The following LRMDA variants were observed in gnomAD, a reference collection of about 807,000 sequenced individuals.
LRMDA encodes leucine-rich melanocyte differentiation-associated protein.
LRMDA carries 18 observed loss-of-function variants against 29.8 expected under a neutral mutation model. The ratio of observed to expected loss-of-function variants is 0.60; its 90% CI spans 0.42 to 0.90. LRMDA has a LOEUF of 0.90. Ranked by LOEUF, LRMDA falls within the 40% of genes least tolerant of loss-of-function variation. The pLI is 0.00. For missense variants in LRMDA, 273 were observed against 273.9 expected, an observed-to-expected ratio of 1.00 and a Z score of 0.02; for synonymous variants, 125 against 109.4, an observed-to-expected ratio of 1.14 and a Z score of -0.89.
intron 6 of LRMDA, chr10:76,438,433 A>T (rs1422583354): frequency 1.3e-5 from 2 of 152,168 alleles, no homozygotes; most frequent in Non-Finnish European, 2.9e-5. Context: ...GAATCCCATT[A>T]GGAAATTTCT....
At chr10:75,478,461 A>G (rs1326529255) in intron 2 of LRMDA, among the ~76,000 whole-genome samples, 2 of 152,160 alleles carry the variant, frequency 1.3e-5, no homozygotes, top group Admixed American at 6.5e-5. Context: ...TCACCTCTAC[A>G]GTTGCTTTGC....
intron 5 of LRMDA, among the ~76,000 whole-genome samples, chr10:76,161,213 T>C (rs1018706591): frequency 6.6e-6 from 1 of 152,102 alleles, no homozygotes; most frequent in South Asian, 2.1e-4. Flanking sequence ...GTATTTCTCT[T>C]TAAGTGAATG....
At chr10:75,598,411 G>A (rs1291198864) in intron 2 of LRMDA, among the ~76,000 whole-genome samples, 4 of 152,072 alleles carry the variant, frequency 2.6e-5, no homozygotes, top group Admixed American at 2.6e-4. Context: ...CGTGTCCCTA[G>A]CCTGGCCTTA....
intron 2 of LRMDA, among the ~76,000 whole-genome samples, chr10:75,613,752 CTG>C (rs745624259): frequency 6.6e-6 from 1 of 152,180 alleles, no homozygotes; most frequent in Non-Finnish European, 1.5e-5. Context: ...GATGTGATCT[CTG>C]TTACTTTGAC....
chr10:75,639,644 A>G (rs1471412917), intron 2 of LRMDA, among the ~76,000 whole-genome samples: 1 of 152,092 alleles, frequency 6.6e-6, no homozygotes, highest in Non-Finnish European at 1.5e-5. Context: ...ATTGTCTCCC[A>G]CCAGCCCCCT....
intron 6 of LRMDA, among the ~76,000 whole-genome samples, chr10:76,527,671 T>G (rs1254367447): frequency 6.6e-6 from 1 of 152,168 alleles, no homozygotes; most frequent in Non-Finnish European, 1.5e-5. Context: ...CTACTTAAAG[T>G]TTTTAGAACA....
At chr10:76,426,309 T>C (rs1255011137) in intron 6 of LRMDA, among the ~76,000 whole-genome samples, 1 of 152,216 alleles carries the variant, frequency 6.6e-6, no homozygotes, top group African/African-American at 2.4e-5. Context: ...TGGTGTGAGA[T>C]GATATCTCAT....
chr10:75,851,539 A>G (rs1187813088), intron 2 of LRMDA, among the ~76,000 whole-genome samples: 2 of 152,128 alleles, frequency 1.3e-5, no homozygotes, highest in Non-Finnish European at 2.9e-5. Flanking sequence ...GAAGGCCCCA[A>G]ACTCTTCTCA....
chr10:76,527,040 C>T (rs1843183435), intron 6 of LRMDA, among the ~76,000 whole-genome samples: 1 of 116,222 alleles, frequency 8.6e-6, no homozygotes, highest in South Asian at 2.6e-4. Context: ...CCTAAATTAT[C>T]AGGTCTGACA....
At chr10:75,891,709 T>TA (rs766090686) in intron 2 of LRMDA, among the ~76,000 whole-genome samples, 2 of 152,044 alleles carry the variant, frequency 1.3e-5, no homozygotes, top group African/African-American at 2.4e-5. Flanking sequence ...GCCATGGGGG[T>TA]AGTGGGACAT....
chr10:75,507,183 T>C (rs1003046879), intron 2 of LRMDA, among the ~76,000 whole-genome samples: 1 of 151,828 alleles, frequency 6.6e-6, no homozygotes, highest in Non-Finnish European at 1.5e-5. Context: ...GTATTGTCAG[T>C]TCCTCCACTC....
intron 2 of LRMDA, among the ~76,000 whole-genome samples, chr10:75,513,336 A>C (rs980984732): frequency 4.0e-5 from 6 of 151,746 alleles, no homozygotes; most frequent in Non-Finnish European, 8.8e-5. Context: ...TTGCTTTCTT[A>C]TTTGCACAGA....
intron 6 of LRMDA, among the ~76,000 whole-genome samples, chr10:76,419,941 A>G (rs1007679243): frequency 2.0e-5 from 3 of 152,166 alleles, no homozygotes; most frequent in Admixed American, 2.0e-4. Context: ...TGCCACATAT[A>G]TGAACACAAA....
chr10:75,808,801 C>T (rs914013172), intron 2 of LRMDA, among the ~76,000 whole-genome samples: 1 of 152,172 alleles, frequency 6.6e-6, no homozygotes, highest in South Asian at 2.1e-4. Context: ...AGCCACTATG[C>T]CTGGCCTGAT....
At chr10:76,341,967 G>C (rs1161277653) in intron 6 of LRMDA, among the ~76,000 whole-genome samples, 1 of 152,146 alleles carries the variant, frequency 6.6e-6, no homozygotes, top group Non-Finnish European at 1.5e-5. Context: ...ATGTTCAAGG[G>C]AAGGGCAAAT....
At chr10:75,643,129 AACACTTTTTTTT>A (rs973656547) in intron 2 of LRMDA, 1 of 152,092 alleles carries the variant, frequency 6.6e-6, no homozygotes, top group Admixed American at 6.5e-5. Context: ...AATTTCTCTT[AACACTTTTTTTT>A]AAACTTTGTT....
intron 2 of LRMDA, among the ~76,000 whole-genome samples, chr10:75,479,505 TAAA>T (rs11359674): frequency 1.9e-4 from 25 of 131,348 alleles, no homozygotes; most frequent in Non-Finnish European, 1.6e-4. Context: ...AGACTCTGTC[TAAA>T]AAAAAAAAAA....
chr10:76,507,672 T>G (rs1206501042), intron 6 of LRMDA, among the ~76,000 whole-genome samples: 1 of 152,168 alleles, frequency 6.6e-6, no homozygotes, highest in Non-Finnish European at 1.5e-5. Flanking sequence ...TATTTTTGTA[T>G]GGGCTAAGAG....
At chr10:76,510,473 C>T (rs1193435182) in intron 6 of LRMDA, among the ~76,000 whole-genome samples, 2 of 152,020 alleles carry the variant, frequency 1.3e-5, no homozygotes, top group African/African-American at 4.8e-5. Flanking sequence ...GAAAAATGAG[C>T]CATGATGATT....
Sources: gnomAD v4.1 joint callset for allele counts (sites outside exome capture counted in the v4.1 genomes callset) on GRCh38, gnomAD v4.1.1 for gene constraint, MANE v1.5 for transcripts, NCBI Gene and HGNC (gene_info 2026-07-23, HGNC 2026-07-21) for gene names.